COTL1: variants seen among roughly 807,000 people sequenced by gnomAD.
The protein encoded by COTL1 is coactosin-like protein.
COTL1 carries 15 observed loss-of-function variants against 16.5 expected under a neutral mutation model. That is an observed-to-expected ratio of 0.91 (90% CI 0.61 to 1.40). The LOEUF is 1.40. Ranked by LOEUF, COTL1 falls within the 40% of genes most tolerant of loss-of-function variation. COTL1 has a pLI of 0.00. For synonymous variants in COTL1, 112 were observed against 85.3 expected, an observed-to-expected ratio of 1.31 and a Z score of -1.73; for missense variants, 220 against 201.5, an observed-to-expected ratio of 1.09 and a Z score of -0.56.
intron 2 of COTL1, among the ~76,000 whole-genome samples, chr16:84,600,199 T>C (rs1905080790): frequency 6.6e-6 from 1 of 152,154 alleles, no homozygotes; most frequent in Admixed American, 6.5e-5. Context: ...CACCCTCCTG[T>C]CCTGCTCAAA....
chr16:84,582,953 C>T (rs1251673802), intron 3 of COTL1, among the ~76,000 whole-genome samples: 1 of 152,124 alleles, frequency 6.6e-6, no homozygotes, highest in Non-Finnish European at 1.5e-5. Flanking sequence ...AAAAAGTTCA[C>T]GTTCCAGTTT....
chr16:84,577,726 G>A (rs1197051366), intron 3 of COTL1, among the ~76,000 whole-genome samples: 2 of 152,168 alleles, frequency 1.3e-5, no homozygotes, highest in South Asian at 2.1e-4. Context: ...AGAGGCACAC[G>A]GCTGTATTTC....
intron 3 of COTL1, among the ~76,000 whole-genome samples, chr16:84,580,618 C>T (rs1322607785): frequency 6.6e-6 from 1 of 152,160 alleles, no homozygotes; most frequent in Admixed American, 6.5e-5. Flanking sequence ...AAAAGCCCCA[C>T]ATTTAAAGTG....
At chr16:84,615,914 T>A (rs555580421) in intron 2 of COTL1, 1 of 151,738 alleles carries the variant, frequency 6.6e-6, no homozygotes, top group East Asian at 1.9e-4. Flanking sequence ...CATCCTCTAG[T>A]AGTCACACCA....
intron 3 of COTL1, among the ~76,000 whole-genome samples, chr16:84,582,837 C>G (rs1340676231): frequency 2.6e-5 from 4 of 152,126 alleles, no homozygotes; most frequent in Admixed American, 2.6e-4. Flanking sequence ...AAGTCCTACA[C>G]CTGTGAGCTG....
At chr16:84,610,917 C>T (rs992039111) in intron 2 of COTL1, among the ~76,000 whole-genome samples, 3 of 152,154 alleles carry the variant, frequency 2.0e-5, no homozygotes, top group Non-Finnish European at 4.4e-5. Context: ...CTGGTAACCA[C>T]CCCACATCTC....
At chr16:84,594,620 G>C (rs1458065262) in intron 2 of COTL1, 1 of 152,234 alleles carries the variant, frequency 6.6e-6, no homozygotes, top group African/African-American at 2.4e-5. Context: ...ACAAGCAAAA[G>C]AACACGGTGA....
At chr16:84,613,008 T>TTC (rs1385205810) in intron 2 of COTL1, among the ~76,000 whole-genome samples, 15 of 146,834 alleles carry the variant, frequency 1.0e-4, no homozygotes, top group Admixed American at 9.6e-4. Flanking sequence ...CTTTCTTTCT[T>TTC]TTTTTTTTTT....
At chr16:84,597,153 C>A (rs543460212) in intron 2 of COTL1, among the ~76,000 whole-genome samples, 89 of 152,176 alleles carry the variant, frequency 5.8e-4, no homozygotes, top group African/African-American at 2.1e-3. Flanking sequence ...GTGAGGCACT[C>A]CGAGGCACAC....
intron 2 of COTL1, among the ~76,000 whole-genome samples, chr16:84,599,149 A>G (rs2914841): frequency 0.4 from 55,860 of 140,236 alleles, 11,583 homozygotes; most frequent in Middle Eastern, 0.5. Flanking sequence ...AGAGATTCTG[A>G]CCAGGCACCC....
At chr16:84,606,880 A>G (rs1905221245) in intron 2 of COTL1, among the ~76,000 whole-genome samples, 2 of 152,222 alleles carry the variant, frequency 1.3e-5, no homozygotes, top group African/African-American at 4.8e-5. Flanking sequence ...CCTACAGCCC[A>G]TAAGAAGTAG....
At chr16:84,567,723 T>C (rs546507724) in intron 3 of COTL1, 9 of 152,324 alleles carry the variant, frequency 5.9e-5, no homozygotes, top group Admixed American at 5.9e-4. Context: ...GTACACAGGT[T>C]TCACCCATAG....
At chr16:84,568,661 T>C (rs984410033) in intron 3 of COTL1, 2 of 152,170 alleles carry the variant, frequency 1.3e-5, no homozygotes, top group Admixed American at 6.5e-5. Flanking sequence ...CAGGAAATGA[T>C]AGAGACGTTC....
chr16:84,590,205 C>A lies in COTL1; in HGVS notation c.218G>T (p.Arg73Met). 6.2e-7 allele frequency: 1 copy of A among 1,614,220 alleles called. No homozygotes were observed. Among genetic ancestry groups the A allele is most frequent in the Non-Finnish European group, 8.5e-7 (1 of 1,180,034 alleles). Residue 73 changes from arginine (R) to methionine (M), a missense_variant, in exon 3 of 4, where the codon AGG (arginine) becomes ATG (methionine). Coordinates refer to ENST00000262428, the MANE Select transcript of COTL1 (RefSeq NM_021149.5). This position sits in a 1 kb window ranked among gnomAD's most constrained non-coding sequence, Gnocchi z 5.5. Reference sequence around the variant, plus strand: ...CCACGTGATGAGGGCAAACTTGGACCTCTTGCTCATGGCATCCCCGGTGGT... The same window carrying A: ...CCACGTGATGAGGGCAAACTTGGACATCTTGCTCATGGCATCCCCGGTGGT... ...RFTTGDAMSKRSKFALITWIG... is the reference protein window; with the variant it reads ...RFTTGDAMSKMSKFALITWIG...
intron 3 of COTL1, among the ~76,000 whole-genome samples, chr16:84,577,585 A>C (rs1477838470): frequency 6.6e-6 from 1 of 152,202 alleles, no homozygotes; most frequent in Non-Finnish European, 1.5e-5. Context: ...TTATAGATAA[A>C]GGGAAAAACT....
chr16:84,617,662 T>G, intron 1 of COTL1, 79 bp from the exon 2 acceptor site: 1 of 1,454,410 alleles, frequency 6.9e-7, no homozygotes, highest in South Asian at 1.2e-5. Context: ...CAGAGGACAA[T>G]CTAACAGACG....
chr16:84,582,094 T>G (rs1390717212), intron 3 of COTL1, among the ~76,000 whole-genome samples: 2 of 150,154 alleles, frequency 1.3e-5, no homozygotes, highest in African/African-American at 4.9e-5. Context: ...TTCAAGCAAT[T>G]CTCGTGCCTC....
intron 2 of COTL1, among the ~76,000 whole-genome samples, chr16:84,603,540 G>A (rs963996939): frequency 6.6e-6 from 1 of 152,200 alleles, no homozygotes; most frequent in Non-Finnish European, 1.5e-5. Context: ...AGCTGAGGGG[G>A]TGATGCCCTG....
Position 84,617,996 on chromosome 16 carries a change from A to G in COTL1, c.-82T>C, listed in dbSNP as rs1357090977. On this transcript the variant is annotated 5_prime_UTR_variant, in exon 1 of 4. Transcript: ENST00000262428. The stretch of plus-strand genomic sequence containing the variant: ...CGGCGGGGATGGGAGCGCGGCGGGT[A>G]CGCGCCGAGGGCGCACGGGCTGGCG... 3 of 996,954 alleles carry G rather than the reference A, an allele frequency of 3.0e-6. No individual in the cohort carries two copies. The highest frequency in any genetic ancestry group is 4.6e-5 in the Admixed American group (1 of 21,918). The allele number at this position is 996,954 out of a possible 1,614,324, so 61.8% of individuals were successfully genotyped here.
Sources: allele counts gnomAD v4.1 joint callset (sites outside exome capture counted in the v4.1 genomes callset), GRCh38; gene constraint gnomAD v4.1.1; non-coding constraint Gnocchi (gnomAD v3.1); transcripts MANE v1.5; gene names NCBI Gene and HGNC (gene_info 2026-07-23, HGNC 2026-07-21).